TVP23A: variants seen among roughly 807,000 people sequenced by gnomAD.
TVP23A encodes Golgi apparatus membrane protein TVP23 homolog A.
In TVP23A, 21 loss-of-function variants were observed where a neutral mutation model predicts 31.7. The ratio of observed to expected loss-of-function variants is 0.66; its 90% CI spans 0.47 to 0.95. TVP23A has a LOEUF of 0.95. Ranked by LOEUF, TVP23A falls within the 40% of genes least tolerant of loss-of-function variation. The pLI, the probability that TVP23A is intolerant of heterozygous loss-of-function variation, is 0.00. For synonymous variants in TVP23A, 104 were observed against 96.0 expected (o/e 1.08, Z -0.49); for missense variants, 279 against 255.6 (o/e 1.09, Z -0.62).
At chr16:10,787,217 TAAG>T (rs1273990078) in intron 2 of TVP23A, among the ~76,000 whole-genome samples, 1 of 152,180 alleles carries the variant, frequency 6.6e-6, no homozygotes, top group Non-Finnish European at 1.5e-5. Flanking sequence ...ATATAGGAGT[TAAG>T]AAGAAATTAT....
intron 2 of TVP23A, among the ~76,000 whole-genome samples, chr16:10,810,887 G>A (rs1417504328): frequency 6.6e-6 from 1 of 152,180 alleles, no homozygotes; most frequent in Non-Finnish European, 1.5e-5. Flanking sequence ...TGCTGCTTGT[G>A]GATGGCAGAT....
At chr16:10,800,505 T>C (rs559394458) in intron 2 of TVP23A, among the ~76,000 whole-genome samples, 10 of 152,304 alleles carry the variant, frequency 6.6e-5, no homozygotes, top group African/African-American at 2.4e-4. Context: ...TACCCTAAAA[T>C]GTATGGCATT....
At chr16:10,795,240 T>A (rs1299437149) in intron 2 of TVP23A, among the ~76,000 whole-genome samples, 1 of 148,668 alleles carries the variant, frequency 6.7e-6, no homozygotes, top group African/African-American at 2.6e-5. Flanking sequence ...CATCCATGAG[T>A]TTATATGATG....
intron 2 of TVP23A, chr16:10,775,488 C>T: frequency 9.4e-7 from 1 of 1,061,490 alleles, no homozygotes; most frequent in South Asian, 3.2e-5. Flanking sequence ...AGTCACTGAG[C>T]TCCAAGCTCA....
intron 2 of TVP23A, among the ~76,000 whole-genome samples, chr16:10,797,323 G>A (rs1423607749): frequency 2.6e-5 from 4 of 151,672 alleles, no homozygotes; most frequent in African/African-American, 7.3e-5. Flanking sequence ...ACCTGAGGTC[G>A]GTAGTTCGAG....
At chr16:10,809,883 AT>A (rs2034114889) in intron 2 of TVP23A, among the ~76,000 whole-genome samples, 1 of 152,180 alleles carries the variant, frequency 6.6e-6, no homozygotes, top group Non-Finnish European at 1.5e-5. Context: ...ACTCCTAGGT[AT>A]GTGCCCAAAA....
chr16:10,771,605 G>A lies in TVP23A; in HGVS notation c.582+65C>T, dbSNP rs551180881. 2.2e-3 allele frequency: 3,491 copies of A among 1,596,648 alleles called. 5 individuals carry two copies. The highest frequency in any genetic ancestry group is 2.7e-3 in the Non-Finnish European group (3,098 of 1,166,768). ...GTTACATTACAAACCGCAGTTGCCA[G>A]CAGGCCACCTTGACTTTGACTACCT... On this transcript the variant is annotated intron_variant, in intron 6 of 7. Transcript: ENST00000299866.
In TVP23A at chr16:10,802,425, A is replaced by G. The variant is rs112048653; in HGVS notation, c.89+15678T>C. ...CTCCAGGGTAGCTGGGATTACAAGC[A>G]TGTGCCATCATGCCAGGCTAATTTT... On this transcript the variant is annotated intron_variant, in intron 2 of 7. Transcript: ENST00000299866. Among the ~76,000 whole-genome samples the G allele has an allele frequency of 9.8e-3, 1,494 of 151,914 alleles. 28 individuals carry two copies. Among genetic ancestry groups the G allele is most frequent in the African/African-American group, 0.034 (1,413 of 41,422 alleles).
intron 2 of TVP23A, among the ~76,000 whole-genome samples, chr16:10,804,828 C>A (rs895651035): frequency 1.3e-5 from 2 of 152,146 alleles, no homozygotes; most frequent in Non-Finnish European, 2.9e-5. Context: ...ACAAAATTAA[C>A]CATTTTAAAG....
chr16:10,773,754 A>T (rs913922715), intron 4 of TVP23A, among the ~76,000 whole-genome samples: 12 of 151,990 alleles, frequency 7.9e-5, no homozygotes, highest in African/African-American at 2.7e-4. Context: ...TATTTTTAGT[A>T]GAGACAGGGT....
chr16:10,817,686 G>A (rs571513280), intron 2 of TVP23A, among the ~76,000 whole-genome samples: 2 of 152,198 alleles, frequency 1.3e-5, no homozygotes, highest in Non-Finnish European at 2.9e-5. Context: ...GGGCCTTTGC[G>A]CTTGCTGTTC....
In TVP23A at chr16:10,767,022, C is replaced by T. The variant is rs184096814; in HGVS notation, c.*2080G>A. 3.1e-4 allele frequency: 124 copies of T among 398,768 alleles called. No individual in the cohort carries two copies. Among genetic ancestry groups the T allele is most frequent in the African/African-American group, 2.4e-3 (115 of 48,738 alleles). 24.7% of individuals were successfully genotyped at this position (398,768 alleles called of 1,614,324 possible). On this transcript the variant is annotated 3_prime_UTR_variant, in exon 8 of 8. Transcript: ENST00000299866. The surrounding 1 kb of genome is among the most constrained non-coding windows in gnomAD (Gnocchi z 4.6). ...TCTTCCCCGACTTGGACTTCCCTGTCCCACAGGGCGACACAGTAGTGAAGT... is the reference window on the plus strand; with the variant it reads ...TCTTCCCCGACTTGGACTTCCCTGTTCCACAGGGCGACACAGTAGTGAAGT...
intron 2 of TVP23A, among the ~76,000 whole-genome samples, chr16:10,807,876 C>T (rs573805372): frequency 7.2e-4 from 110 of 152,224 alleles, no homozygotes; most frequent in African/African-American, 2.5e-3. Flanking sequence ...GGGTTCAAAT[C>T]TCCTCTGTTT....
chr16:10,811,340 C>T (rs2143004723), intron 2 of TVP23A, among the ~76,000 whole-genome samples: 1 of 152,266 alleles, frequency 6.6e-6, no homozygotes, highest in Admixed American at 6.5e-5. Flanking sequence ...GTGATAATGG[C>T]TTACTGCAGC....
chr16:10,815,613 C>T (rs753522772), intron 2 of TVP23A, among the ~76,000 whole-genome samples: 17 of 152,144 alleles, frequency 1.1e-4, no homozygotes, highest in Non-Finnish European at 1.9e-4. Flanking sequence ...AAACATCCCA[C>T]GGTGCACAGG....
chr16:10,761,912 C>A, downstream of TVP23A: 1 of 1,425,800 alleles, frequency 7.0e-7, no homozygotes, highest in Non-Finnish European at 9.8e-7. Context: ...GCCCCACAGG[C>A]ACGGGTCGGG....
intron 2 of TVP23A, among the ~76,000 whole-genome samples, chr16:10,784,101 TA>T (rs1289994461): frequency 2.6e-5 from 4 of 151,722 alleles, no homozygotes; most frequent in African/African-American, 9.7e-5. Context: ...TTGGGAGGCC[TA>T]GGGGGCAGAT....
At chr16:10,761,527 G>C in exon 9 of TVP23A, 2 of 1,432,610 alleles carry the variant, frequency 1.4e-6, no homozygotes, top group Admixed American at 3.5e-5. Context: ...CATGGATGAG[G>C]AAACGATCGG....
chr16:10,773,353 A>G lies in TVP23A; in HGVS notation c.413T>C (p.Phe138Ser). ...LIICPMIWIV[F>S]FFSTLFSLKL... ...CAAGGAAAATAAGGTGCTAAAAAAA[A>G]ACACAATCCATATCATGGGGCAGAT... is the stretch of plus-strand genomic sequence containing the variant. Residue 138 changes from phenylalanine (F) to serine (S), a missense_variant, in exon 5 of 8, where the codon TTT becomes TCT. Phe to Ser is a radical substitution (Grantham distance 155, BLOSUM62 -2). Coordinates refer to ENST00000299866, the MANE Select transcript of TVP23A (RefSeq NM_001079512.4). 3.7e-6 allele frequency: 6 copies of G among 1,610,576 alleles called. No individual in the cohort carries two copies. The highest frequency in any genetic ancestry group is 1.1e-5 in the South Asian group (1 of 89,616).
Sources: gnomAD v4.1 joint callset for allele counts (sites outside exome capture counted in the v4.1 genomes callset) on GRCh38, gnomAD v4.1.1 for gene constraint, Gnocchi (gnomAD v3.1) non-coding constraint, MANE v1.5 for transcripts, NCBI Gene and HGNC (gene_info 2026-07-23, HGNC 2026-07-21) for gene names.